The following NRP1 variants were observed in gnomAD, a reference collection of about 807,000 sequenced individuals.
The protein encoded by NRP1 is neuropilin-1.
A neutral mutation model predicts 106.7 loss-of-function variants in NRP1; 35 were observed. The ratio of observed to expected loss-of-function variants is 0.33; its 90% CI spans 0.25 to 0.43. NRP1 has a LOEUF of 0.43. Ranked by LOEUF, NRP1 falls within the 20% of genes least tolerant of loss-of-function variation. The probability of loss-of-function intolerance (pLI) is 1.00; values close to 1 mark genes in which losing one functional copy is unlikely to be tolerated. For synonymous variants in NRP1, 437 were observed against 417.9 expected, an observed-to-expected ratio of 1.05 and a Z score of -0.56; for missense variants, 1,024 against 1,170.4, an observed-to-expected ratio of 0.87 and a Z score of 1.83.
intron 13 of NRP1, among the ~76,000 whole-genome samples, chr10:33,189,913 G>T (rs565224855): frequency 6.6e-6 from 1 of 152,298 alleles, no homozygotes; most frequent in South Asian, 2.1e-4. Flanking sequence ...CAGATGTCGG[G>T]CTCACCCATC....
chr10:33,229,552 G>C (rs376176219), intron 6 of NRP1, among the ~76,000 whole-genome samples: 1 of 152,196 alleles, frequency 6.6e-6, no homozygotes, highest in Non-Finnish European at 1.5e-5. Flanking sequence ...ATTCCCAAGA[G>C]TGTGTATTCA....
chr10:33,204,442 T>C (rs1476408144), intron 10 of NRP1, among the ~76,000 whole-genome samples: 1 of 152,250 alleles, frequency 6.6e-6, no homozygotes, highest in Non-Finnish European at 1.5e-5. Context: ...CTGTATTTAT[T>C]GCTCTTGCTG....
chr10:33,201,641 T>C (rs1837316878), intron 11 of NRP1: 1 of 152,192 alleles, frequency 6.6e-6, no homozygotes, highest in South Asian at 2.1e-4. Context: ...TTGTGGCTTG[T>C]GGCTGCTTGT....
At chr10:33,187,165 G>A (rs1289270680) in intron 13 of NRP1, among the ~76,000 whole-genome samples, 1 of 151,694 alleles carries the variant, frequency 6.6e-6, no homozygotes, top group Non-Finnish European at 1.5e-5. Flanking sequence ...GATCCACCAC[G>A]CTGGGCCCAA....
chr10:33,294,042 T>C (rs956642116), intron 2 of NRP1, among the ~76,000 whole-genome samples: 1 of 152,236 alleles, frequency 6.6e-6, no homozygotes, highest in Admixed American at 6.5e-5. Context: ...TGTGAGCAAA[T>C]GGATCTAAGT....
At chr10:33,209,137 C>G (rs975918774) in intron 9 of NRP1, among the ~76,000 whole-genome samples, 22 of 152,034 alleles carry the variant, frequency 1.4e-4, no homozygotes, top group African/African-American at 5.1e-4. Context: ...GAACTCCTGA[C>G]CTCAAGTGAT....
At chr10:33,318,685 C>T (rs1458692127) in intron 2 of NRP1, among the ~76,000 whole-genome samples, 3 of 151,618 alleles carry the variant, frequency 2.0e-5, no homozygotes, top group Admixed American at 2.0e-4. Flanking sequence ...TCACTGTTTC[C>T]TTAGCTTAGT....
chr10:33,186,723 A>G (rs1410903450), intron 13 of NRP1, among the ~76,000 whole-genome samples: 1 of 152,180 alleles, frequency 6.6e-6, no homozygotes, highest in African/African-American at 2.4e-5. Flanking sequence ...ACTAATTAGG[A>G]TACTACTTAT....
chr10:33,300,219 C>A (rs1193229685), intron 2 of NRP1, among the ~76,000 whole-genome samples: 1 of 152,140 alleles, frequency 6.6e-6, no homozygotes, highest in African/African-American at 2.4e-5. Flanking sequence ...TTCAAGGGGA[C>A]AAGAAAGTTC....
chr10:33,327,644 T>C (rs1224939357), intron 2 of NRP1, among the ~76,000 whole-genome samples: 1 of 151,626 alleles, frequency 6.6e-6, no homozygotes, highest in Non-Finnish European at 1.5e-5. Context: ...CTTCAAATAA[T>C]TTCTGGTGTT....
At chr10:33,272,274 A>G (rs769635969) in intron 2 of NRP1, among the ~76,000 whole-genome samples, 27 of 152,238 alleles carry the variant, frequency 1.8e-4, no homozygotes, top group Non-Finnish European at 3.4e-4. Context: ...GTATATCAAG[A>G]AGAAAATAAA....
At chr10:33,203,181 T>C (rs890875015) in intron 10 of NRP1, among the ~76,000 whole-genome samples, 186 bp from the exon 11 acceptor site, 16 of 152,224 alleles carry the variant, frequency 1.1e-4, no homozygotes, top group African/African-American at 3.9e-4. Flanking sequence ...TAGCAGAGGC[T>C]GCTTTGTTTT....
At chr10:33,320,539 T>C (rs1588990293) in intron 2 of NRP1, among the ~76,000 whole-genome samples, 2 of 152,212 alleles carry the variant, frequency 1.3e-5, no homozygotes, top group South Asian at 4.1e-4. Context: ...TTCTGAAAGG[T>C]TGTCATCCAG....
intron 2 of NRP1, among the ~76,000 whole-genome samples, chr10:33,303,114 A>C (rs912305847): frequency 2.0e-5 from 3 of 152,216 alleles, no homozygotes; most frequent in Admixed American, 1.3e-4. Context: ...TTTCTAGTTA[A>C]TCACACCTGT....
chr10:33,220,058 C>G (rs1302690879), intron 8 of NRP1, among the ~76,000 whole-genome samples: 1 of 152,160 alleles, frequency 6.6e-6, no homozygotes, highest in African/African-American at 2.4e-5. Context: ...CCTCTAAGGC[C>G]TTGAACTTTC....
At chr10:33,180,424 A>G in intron 16 of NRP1, 59 bp from the exon 17 acceptor site, 2 of 1,488,140 alleles carry the variant, frequency 1.3e-6, no homozygotes, top group Non-Finnish European at 1.8e-6. Flanking sequence ...ATGAAAGCAG[A>G]CAGAAAAATA....
At chr10:33,225,941 C>G (rs1358684653) in intron 7 of NRP1, among the ~76,000 whole-genome samples, 193 bp downstream of exon 7, 1 of 152,206 alleles carries the variant, frequency 6.6e-6, no homozygotes, top group African/African-American at 2.4e-5. Flanking sequence ...GAAACATTCA[C>G]ATAATTTCCT....
At chr10:33,249,771 A>G (rs1418619602) in intron 6 of NRP1, among the ~76,000 whole-genome samples, 1 of 152,170 alleles carries the variant, frequency 6.6e-6, no homozygotes, top group African/African-American at 2.4e-5. Context: ...AAACCTTCAC[A>G]TTGGGACTTC....
At chr10:33,215,130 T>G (rs952264915) in intron 8 of NRP1, among the ~76,000 whole-genome samples, 1 of 152,218 alleles carries the variant, frequency 6.6e-6, no homozygotes, top group Non-Finnish European at 1.5e-5. Flanking sequence ...TCATTTTGAC[T>G]TCATCCCATT....
Sources: gnomAD v4.1 joint callset for allele counts (sites outside exome capture counted in the v4.1 genomes callset) on GRCh38, gnomAD v4.1.1 for gene constraint, MANE v1.5 for transcripts, NCBI Gene and HGNC (gene_info 2026-07-23, HGNC 2026-07-21) for gene names.